RGS12: variants seen among roughly 807,000 people sequenced by gnomAD.
The protein encoded by RGS12 is regulator of G-protein signaling 12.
In RGS12, 66 loss-of-function variants were observed where a neutral mutation model predicts 120.1. The observed-to-expected ratio is 0.55, with a 90% CI of 0.45 to 0.67. The LOEUF (loss-of-function observed/expected upper bound fraction) is 0.67, where lower values mean the gene tolerates loss of function less well. Ranked by LOEUF, RGS12 falls within the 30% of genes least tolerant of loss-of-function variation. The pLI is 0.00. For synonymous variants in RGS12, 827 were observed against 804.7 expected, an observed-to-expected ratio of 1.03 and a Z score of -0.47; for missense variants, 1,859 against 1,957.7, an observed-to-expected ratio of 0.95 and a Z score of 0.95.
At chr4:3,414,959 G>A in intron 6 of RGS12, 115 bp downstream of exon 6, 2 of 749,694 alleles carry the variant, frequency 2.7e-6, no homozygotes, top group Non-Finnish European at 4.5e-6. Context: ...GTGTGTGTGA[G>A]GGGCGTGAGA....
chr4:3,365,973 C>A lies in RGS12; in HGVS notation c.1999-20443C>A, dbSNP rs1716260664. On this transcript the variant is annotated intron_variant, in intron 3 of 17. Coordinates refer to ENST00000336727, the MANE Select transcript of RGS12 (RefSeq NM_001394154.1). This position sits in a 1 kb window ranked among gnomAD's most constrained non-coding sequence, Gnocchi z 4.0. ...AGTGGGGAACATGCTCAGTGTTGAC[C>A]CCTCCCTGCCTTGTGGAGCTGGTCC... is the stretch of plus-strand genomic sequence containing the variant. Among the ~76,000 whole-genome samples, 1 of 152,064 alleles carries A rather than the reference C, an allele frequency of 6.6e-6. No homozygotes were observed. Among genetic ancestry groups the A allele is most frequent in the Admixed American group, 6.5e-5 (1 of 15,280 alleles).
chr4:3,376,247 A>AAC (rs55666879), intron 3 of RGS12, among the ~76,000 whole-genome samples: 17,473 of 143,202 alleles, frequency 0.12, 1,050 homozygotes, highest in African/African-American at 0.13. Flanking sequence ...AGCTCCTTGG[A>AAC]ACACACACAC....
In RGS12 at chr4:3,422,319, G is replaced by GC. The variant is rs1157806814; in HGVS notation, c.2839-53dup. The stretch of plus-strand genomic sequence containing the variant: ...GGCCAGCTGGGCTGCTCTGGGAGGT[G>GC]CCCCGCACCCCTGTGACGCTGGTTC... On this transcript the variant is annotated intron_variant, in intron 10 of 17. Transcript: ENST00000336727. The GC allele has an allele frequency of 1.8e-5, 28 of 1,524,672 alleles. No homozygotes were observed. In the East Asian group the frequency reaches 6.0e-4, roughly 33 times the overall value. The allele number at this position is 1,524,672 out of a possible 1,614,324, so 94.4% of individuals were successfully genotyped here.
intron 7 of RGS12, among the ~76,000 whole-genome samples, chr4:3,416,381 C>T (rs1173220503): frequency 1.3e-5 from 2 of 152,194 alleles, no homozygotes; most frequent in East Asian, 1.9e-4. Context: ...CACGCTGGCT[C>T]ATGTTTCGAT....
chr4:3,309,041 C>A (rs1218080336), intron 1 of RGS12, among the ~76,000 whole-genome samples: 3 of 151,294 alleles, frequency 2.0e-5, no homozygotes, highest in Non-Finnish European at 4.4e-5. Context: ...TGGCAGGTGT[C>A]CTCTGAGGAG....
chr4:3,328,501 C>A (rs1386258225), intron 2 of RGS12, among the ~76,000 whole-genome samples: 2 of 152,162 alleles, frequency 1.3e-5, no homozygotes, highest in African/African-American at 2.4e-5. Context: ...CTGTAGAGTC[C>A]CCGCCAGCAC....
chr4:3,416,850 C>T (rs988419574), intron 7 of RGS12, 63 bp from the exon 8 acceptor site: 87 of 1,491,308 alleles, frequency 5.8e-5, no homozygotes, highest in African/African-American at 5.7e-4. Context: ...CAAGCAGCCT[C>T]GCGCCTGAGG....
At chr4:3,382,953 G>A (rs1718421313) in intron 3 of RGS12, among the ~76,000 whole-genome samples, 1 of 152,078 alleles carries the variant, frequency 6.6e-6, no homozygotes, top group Non-Finnish European at 1.5e-5. Context: ...TGTTGTCTCT[G>A]CTGATACCCA....
intron 4 of RGS12, among the ~76,000 whole-genome samples, chr4:3,392,794 C>T (rs1464093988): frequency 1.3e-5 from 2 of 152,052 alleles, no homozygotes; most frequent in Admixed American, 1.3e-4. Flanking sequence ...TTCAAGACCA[C>T]CCCGGCCAAC....
Position 3,383,905 on chromosome 4 carries a change from C to A in RGS12, c.1999-2511C>A, listed in dbSNP as rs1361251760. 2.0e-5 allele frequency among the ~76,000 whole-genome samples: 3 copies of A among 152,226 alleles called. No individual in the cohort carries two copies. The East Asian group carries it at 5.8e-4, about 29-fold the overall frequency. On this transcript the variant is annotated intron_variant, in intron 3 of 17. Coordinates refer to ENST00000336727, the MANE Select transcript of RGS12 (RefSeq NM_001394154.1). Reference sequence around the variant, plus strand: ...TGGGACACTCCTCTCTCCTGGTTCTCAAGTTTCAGCTAATTTGGGGGATGT... The same window carrying A: ...TGGGACACTCCTCTCTCCTGGTTCTAAAGTTTCAGCTAATTTGGGGGATGT...
intron 2 of RGS12, among the ~76,000 whole-genome samples, chr4:3,340,410 G>A (rs7688715): frequency 0.077 from 11,700 of 152,266 alleles, 807 homozygotes; most frequent in African/African-American, 0.19. Context: ...CTTAGACGGG[G>A]GCTTAAAGGT....
At chr4:3,373,427 G>A (rs1717263467) in intron 3 of RGS12, among the ~76,000 whole-genome samples, 1 of 152,208 alleles carries the variant, frequency 6.6e-6, no homozygotes, top group Non-Finnish European at 1.5e-5. Context: ...CGTGTCTGTG[G>A]ACACCTCTGC....
At chr4:3,410,201 G>A (rs1721586789) in intron 4 of RGS12, among the ~76,000 whole-genome samples, 2 of 152,194 alleles carry the variant, frequency 1.3e-5, no homozygotes, top group South Asian at 2.1e-4. Flanking sequence ...CTGCTGCCTC[G>A]AATTCTGGGC....
At chr4:3,300,494 C>T (rs1378667454) in intron 1 of RGS12, among the ~76,000 whole-genome samples, 1 of 137,686 alleles carries the variant, frequency 7.3e-6, no homozygotes, top group African/African-American at 2.9e-5. Flanking sequence ...GGGCCCGCCC[C>T]TCCTAGGAGT....
chr4:3,369,706 C>A (rs1338022296), intron 3 of RGS12, among the ~76,000 whole-genome samples: 1 of 152,168 alleles, frequency 6.6e-6, no homozygotes, highest in African/African-American at 2.4e-5. Context: ...CTTTTTCTTT[C>A]CTCCTTCCTT....
intron 3 of RGS12, among the ~76,000 whole-genome samples, chr4:3,384,787 G>C (rs977422699): frequency 6.6e-6 from 1 of 152,218 alleles, no homozygotes; most frequent in Non-Finnish European, 1.5e-5. Flanking sequence ...GCTTACTTTG[G>C]GTGCCAGAGG....
intron 3 of RGS12, among the ~76,000 whole-genome samples, chr4:3,383,894 C>T (rs1451883122): frequency 6.6e-6 from 1 of 152,206 alleles, no homozygotes; most frequent in African/African-American, 2.4e-5. Context: ...ACACTCCTCT[C>T]TCCTGGTTCT....
At chr4:3,411,788 G>T (rs1454252267) in intron 4 of RGS12, among the ~76,000 whole-genome samples, 2 of 152,272 alleles carry the variant, frequency 1.3e-5, no homozygotes, top group Non-Finnish European at 2.9e-5. Flanking sequence ...CTTGGATGTT[G>T]GGATTCTTTG....
At chr4:3,301,607 AGTG>A (rs1723691025) in intron 1 of RGS12, among the ~76,000 whole-genome samples, 9 of 128,640 alleles carry the variant, frequency 7.0e-5, no homozygotes, top group Non-Finnish European at 1.5e-4. Context: ...GGGGATGGAG[AGTG>A]AGGCCGGGGT....
Sources: allele counts gnomAD v4.1 joint callset (sites outside exome capture counted in the v4.1 genomes callset), GRCh38; gene constraint gnomAD v4.1.1; non-coding constraint Gnocchi (gnomAD v3.1); transcripts MANE v1.5; gene names NCBI Gene and HGNC (gene_info 2026-07-23, HGNC 2026-07-21).